CALN1: variants seen among roughly 807,000 people sequenced by gnomAD.
The protein encoded by CALN1 is calcium-binding protein 8.
In CALN1, 17 loss-of-function variants were observed where a neutral mutation model predicts 30.6. The ratio of observed to expected loss-of-function variants is 0.56; its 90% CI spans 0.38 to 0.83. The LOEUF is 0.83. Ranked by LOEUF, CALN1 falls within the 40% of genes least tolerant of loss-of-function variation. The pLI is 0.00. For synonymous variants in CALN1, 156 were observed against 131.4 expected (o/e 1.19, Z -1.28); for missense variants, 291 against 354.9 (o/e 0.82, Z 1.45).
intron 2 of CALN1, among the ~76,000 whole-genome samples, chr7:72,284,687 C>G (rs1049805590): frequency 2.6e-5 from 4 of 152,166 alleles, no homozygotes; most frequent in Non-Finnish European, 4.4e-5. Flanking sequence ...GGTCTTCAAA[C>G]CAGACTGGAA....
At chr7:72,321,573 G>A (rs1270424007) in intron 2 of CALN1, among the ~76,000 whole-genome samples, 1 of 152,194 alleles carries the variant, frequency 6.6e-6, no homozygotes, top group African/African-American at 2.4e-5. Context: ...CTGGAAACAA[G>A]CTGTTGAACA....
At chr7:72,150,732 G>A (rs1787167185) in intron 3 of CALN1, among the ~76,000 whole-genome samples, 1 of 152,194 alleles carries the variant, frequency 6.6e-6, no homozygotes. Flanking sequence ...TCTTCCTTCT[G>A]TGTGTCTCAG....
intron 2 of CALN1, among the ~76,000 whole-genome samples, chr7:72,299,253 TC>T: frequency 6.6e-6 from 1 of 152,168 alleles, no homozygotes; most frequent in Admixed American, 6.5e-5. Context: ...CCTTTGAAAA[TC>T]AGGCAGAGAA....
At chr7:71,936,555 G>A (rs1795847975) in intron 5 of CALN1, among the ~76,000 whole-genome samples, 2 of 152,238 alleles carry the variant, frequency 1.3e-5, no homozygotes, top group East Asian at 1.9e-4. Context: ...GCTCTAGGGC[G>A]TGAAGATTCC....
chr7:71,897,965 CAAAAAACAAAAAA>C (rs1793617019), intron 5 of CALN1, among the ~76,000 whole-genome samples: 1 of 55,146 alleles, frequency 1.8e-5, no homozygotes, highest in Non-Finnish European at 3.6e-5. Context: ...TGGAAAAAAA[CAAAAAACAAAAAA>C]AAAAAAAAAA....
chr7:72,218,526 T>C (rs935981454), intron 3 of CALN1, among the ~76,000 whole-genome samples: 3 of 152,172 alleles, frequency 2.0e-5, no homozygotes, highest in African/African-American at 7.2e-5. Context: ...TAGCCTGTTA[T>C]TGTGATTTGT....
chr7:72,266,816 G>A (rs1202950842), intron 3 of CALN1, among the ~76,000 whole-genome samples: 1 of 152,154 alleles, frequency 6.6e-6, no homozygotes, highest in Non-Finnish European at 1.5e-5. Flanking sequence ...CTTGGAAGCA[G>A]CTACCATCAG....
chr7:72,495,878 T>C, the CALN1 span, among the ~76,000 whole-genome samples: 1 of 152,342 alleles, frequency 6.6e-6, no homozygotes, highest in African/African-American at 2.4e-5. Context: ...TTGTATATCA[T>C]GGGCAGATAA....
chr7:72,388,594 T>C, intron 2 of CALN1, among the ~76,000 whole-genome samples: 1 of 152,182 alleles, frequency 6.6e-6, no homozygotes, highest in South Asian at 2.1e-4. Flanking sequence ...CTTTGCAATG[T>C]TTCTGCAAAT....
intron 5 of CALN1, among the ~76,000 whole-genome samples, chr7:71,910,708 C>G (rs1794382178): frequency 6.6e-6 from 1 of 152,214 alleles, no homozygotes; most frequent in Non-Finnish European, 1.5e-5. Context: ...GCAGCCTCAT[C>G]TTGCTAATCC....
At chr7:72,076,611 C>CAAAAAAAA (rs572245834) in intron 4 of CALN1, among the ~76,000 whole-genome samples, 142 of 6,126 alleles carry the variant, frequency 0.023, 60 homozygotes, top group Non-Finnish European at 0.033. Context: ...AAAAAAAAAG[C>CAAAAAAAA]AAAAAAAAAA....
chr7:72,387,878 T>C (rs544379497), intron 2 of CALN1, among the ~76,000 whole-genome samples: 96 of 152,042 alleles, frequency 6.3e-4, no homozygotes, highest in South Asian at 2.9e-3. Flanking sequence ...TTACCAGAGG[T>C]TGGGGAGAAT....
intron 2 of CALN1, among the ~76,000 whole-genome samples, chr7:72,280,845 A>C (rs1797685197): frequency 6.6e-6 from 1 of 152,180 alleles, no homozygotes; most frequent in Non-Finnish European, 1.5e-5. Flanking sequence ...TGAGTTCCTT[A>C]TAAAAGGATG....
Position 72,403,414 on chromosome 7 carries a change from A to G in CALN1, c.-45T>C. On this transcript the variant is annotated 5_prime_UTR_variant, in exon 2 of 7. Transcript: ENST00000395275. ...TCTCAGAGAGAGTTAGAAGCTCATC[A>G]AAGGAACGTCAGCGAAGGCACTGAG... The G allele has an allele frequency of 6.8e-7, 1 of 1,473,538 alleles. No homozygotes were observed. The highest frequency in any genetic ancestry group is 9.2e-7 in the Non-Finnish European group (1 of 1,092,090). 91.3% of individuals were successfully genotyped at this position (1,473,538 alleles called of 1,614,324 possible). A position where few individuals can be genotyped will look rare whatever the true frequency, so the allele number is the denominator to read the frequency against.
chr7:71,854,007 T>G (rs1413405166), intron 5 of CALN1, among the ~76,000 whole-genome samples: 2 of 152,196 alleles, frequency 1.3e-5, no homozygotes, highest in Non-Finnish European at 2.9e-5. Context: ...ACAATCCACA[T>G]ATTTCTATGC....
At chr7:72,118,757 C>G (rs997541024) in intron 3 of CALN1, among the ~76,000 whole-genome samples, 1 of 152,128 alleles carries the variant, frequency 6.6e-6, no homozygotes, top group African/African-American at 2.4e-5. Context: ...TGACAAAATT[C>G]TCAGGGCTGA....
intron 2 of CALN1, among the ~76,000 whole-genome samples, chr7:72,311,435 C>T (rs979124373): frequency 5.9e-5 from 9 of 151,956 alleles, no homozygotes; most frequent in African/African-American, 1.7e-4. Flanking sequence ...GGGTCAACAC[C>T]CCAACCTTGC....
chr7:72,288,537 G>A (rs1585372028), intron 2 of CALN1, among the ~76,000 whole-genome samples: 1 of 152,240 alleles, frequency 6.6e-6, no homozygotes, highest in Middle Eastern at 3.4e-3. Flanking sequence ...ATAATTTTTA[G>A]ATGTATTTTA....
chr7:72,193,955 G>A (rs1022444563), intron 3 of CALN1, among the ~76,000 whole-genome samples: 13 of 152,112 alleles, frequency 8.5e-5, no homozygotes, highest in African/African-American at 3.1e-4. Flanking sequence ...GAGGACTTGG[G>A]GGAAAGGGTG....
Sources: allele counts gnomAD v4.1 joint callset (sites outside exome capture counted in the v4.1 genomes callset), GRCh38; gene constraint gnomAD v4.1.1; transcripts MANE v1.5; gene names NCBI Gene and HGNC (gene_info 2026-07-23, HGNC 2026-07-21).